The following EFEMP1 variants were observed in gnomAD, a reference collection of about 807,000 sequenced individuals.
The protein encoded by EFEMP1 is EGF-like fibulin extracellular matrix protein 1, also known as EGF-containing fibulin-like extracellular matrix protein 1.
Under a neutral mutation model 65.7 loss-of-function variants are expected in EFEMP1, and 18 were observed. The ratio of observed to expected loss-of-function variants is 0.27; its 90% CI spans 0.19 to 0.41. The LOEUF (loss-of-function observed/expected upper bound fraction) is 0.41. EFEMP1 is among the 10% of genes least tolerant of loss of function. The pLI, the probability that EFEMP1 is intolerant of heterozygous loss-of-function variation, is 1.00. For synonymous variants in EFEMP1, 237 were observed against 219.7 expected (o/e 1.08, Z -0.70); for missense variants, 469 against 624.8 (o/e 0.75, Z 2.66).
intron 8 of EFEMP1, 100 bp downstream of exon 8, chr2:55,876,523 T>G (rs1440961271): frequency 2.0e-6 from 3 of 1,517,348 alleles, no homozygotes; most frequent in Non-Finnish European, 2.7e-6. Flanking sequence ...AGAATTCCCA[T>G]GGGTAAGCGT....
Position 55,867,207 on chromosome 2 carries a change from C to G in EFEMP1, c.1348G>C (p.Val450Leu). ...GGTCCTGATAATGACTTCACGAGCA[C>G]AAGCATTGCACTTACAGGACTTGTT... is the stretch of plus-strand genomic sequence containing the variant. ...RQTSPVSAMLVLVKSLSGPRE... is the reference protein window; with the variant it reads ...RQTSPVSAMLLLVKSLSGPRE... The change falls in exon 12 of 12, where the codon GTG (valine) becomes CTG (leucine). Residue 450 changes from valine to leucine, a missense_variant. By Grantham distance (32) the Val-to-Leu change is conservative (BLOSUM62 1). Coordinates refer to ENST00000355426, the MANE Select transcript of EFEMP1 (RefSeq NM_001039348.3). The surrounding 1 kb of genome is among the most constrained non-coding windows in gnomAD (Gnocchi z 4.3). The G allele has an allele frequency of 6.2e-7, 1 of 1,613,912 alleles. No homozygotes were observed. The highest frequency in any genetic ancestry group is 8.5e-7 in the Non-Finnish European group (1 of 1,179,908).
Position 55,877,733 on chromosome 2 carries a change from T to G in EFEMP1, c.760+13A>C. On this transcript the variant is annotated intron_variant, in intron 7 of 11. Transcript: ENST00000355426. The surrounding 1 kb of genome is among the most constrained non-coding windows in gnomAD (Gnocchi z 4.5). Reference sequence around the variant, plus strand: ...TGTGAAGACAGAAATCAGCAAGTTCTCAAAAGGCTTACCTACGCAGGTATA... The same window carrying G: ...TGTGAAGACAGAAATCAGCAAGTTCGCAAAAGGCTTACCTACGCAGGTATA... The G allele has an allele frequency of 6.2e-7, 1 of 1,612,736 alleles. No homozygotes were observed. Among genetic ancestry groups the G allele is most frequent in the East Asian group, 2.2e-5 (1 of 44,838 alleles).
chr2:55,884,658 A>G (rs1239055007), intron 5 of EFEMP1, among the ~76,000 whole-genome samples: 1 of 152,248 alleles, frequency 6.6e-6, no homozygotes, highest in African/African-American at 2.4e-5. Context: ...CTTTATTTAT[A>G]AGGGAAACTA....
At chr2:55,916,108 T>TG (rs201208071) in intron 5 of EFEMP1, among the ~76,000 whole-genome samples, 2,021 of 107,508 alleles carry the variant, frequency 0.019, 41 homozygotes, top group African/African-American at 0.067. Flanking sequence ...GTTTCCTTCA[T>TG]TTTTTTTTTT....
chr2:55,889,837 T>G, intron 5 of EFEMP1, among the ~76,000 whole-genome samples: 1 of 131,338 alleles, frequency 7.6e-6, no homozygotes, highest in East Asian at 2.5e-4. Flanking sequence ...AAAAAAAAAA[T>G]AAAACTACAA....
In EFEMP1 at chr2:55,875,080, A is replaced by G. The variant is rs764824404; in HGVS notation, c.881-15T>C. 2 of 1,582,392 alleles carry G rather than the reference A, an allele frequency of 1.3e-6. No individual in the cohort carries two copies. Among genetic ancestry groups the G allele is most frequent in the South Asian group, 1.1e-5 (1 of 89,948 alleles). On this transcript the variant is annotated splice_polypyrimidine_tract_variant and intron_variant, in intron 8 of 11. Transcript: ENST00000355426. ...TTCATCAATGTCTGTTGAATTAGACAAGAGAAAGGACACAGAGTTGAAAAG... is the reference window on the plus strand; with the variant it reads ...TTCATCAATGTCTGTTGAATTAGACGAGAGAAAGGACACAGAGTTGAAAAG...
Position 55,885,289 on chromosome 2 carries a change from A to C in EFEMP1, c.518-3555T>G, listed in dbSNP as rs1484730539. Among the ~76,000 whole-genome samples the C allele has an allele frequency of 1.3e-5, 2 of 152,214 alleles. No individual in the cohort carries two copies. Among genetic ancestry groups the C allele is most frequent in the East Asian group, 3.9e-4 (2 of 5,192 alleles). On this transcript the variant is annotated intron_variant, in intron 5 of 11. Transcript: ENST00000355426. This position sits in a 1 kb window ranked among gnomAD's most constrained non-coding sequence, Gnocchi z 4.3. ...AGACAAAACTGGTTTCCATGAGAAG[A>C]ATGGCAGACAGATGGCGTCAGCACA...
In EFEMP1 at chr2:55,866,766, A is replaced by T; in HGVS notation, c.*307T>A. On this transcript the variant is annotated 3_prime_UTR_variant, in exon 12 of 12. Coordinates refer to ENST00000355426, the MANE Select transcript of EFEMP1 (RefSeq NM_001039348.3). ...TAAGTTTCCTTAAGCACCACAGAAG[A>T]TCATCATTGCTTGGTCCCACTTTTA... The T allele has an allele frequency of 3.0e-6, 1 of 329,994 alleles. No homozygotes were observed. The highest frequency in any genetic ancestry group is 5.7e-6 in the Non-Finnish European group (1 of 174,900). The allele number at this position is 329,994 out of a possible 1,614,324, so 20.4% of individuals were successfully genotyped here.
Position 55,881,629 on chromosome 2 carries a change from C to G in EFEMP1, c.623G>C (p.Arg208Pro), listed in dbSNP as rs533940631. The G allele has an allele frequency of 6.2e-7, 1 of 1,613,856 alleles. No homozygotes were observed. The change falls in exon 6 of 12, where the codon CGA becomes CCA. Residue 208 changes from arginine (R) to proline (P), a missense_variant. By Grantham distance (103) the Arg-to-Pro change is moderately radical. Around this residue, in one of 3 missense-constraint regions of EFEMP1, gnomAD observed 399 missense variants for 528.2 expected, o/e 0.76. Transcript: ENST00000355426. ...ACQCPPGYQKRGEQCVDIDEC... is the reference protein window; with the variant it reads ...ACQCPPGYQKPGEQCVDIDEC... ...GTACTTACCTACGCACTGCTCCCCT[C>G]GCTTCTGATATCCAGGAGGGCACTG...
intron 5 of EFEMP1, among the ~76,000 whole-genome samples, chr2:55,916,494 C>T (rs1323746535): frequency 6.6e-6 from 1 of 152,212 alleles, no homozygotes; most frequent in Non-Finnish European, 1.5e-5. Flanking sequence ...GGGGCAGCAT[C>T]CCAGGGCACA....
chr2:55,904,235 G>A (rs139759905), intron 5 of EFEMP1, among the ~76,000 whole-genome samples: 1 of 152,266 alleles, frequency 6.6e-6, no homozygotes, highest in African/African-American at 2.4e-5. Flanking sequence ...GAAGATCCAG[G>A]AAGTACCATC....
intron 5 of EFEMP1, among the ~76,000 whole-genome samples, chr2:55,898,891 T>C (rs942149071): frequency 4.6e-5 from 7 of 152,126 alleles, no homozygotes; most frequent in African/African-American, 1.7e-4. Context: ...GTATGATTTA[T>C]GGAAAAGGGA....
intron 9 of EFEMP1, among the ~76,000 whole-genome samples, chr2:55,872,431 C>A (rs910105127): frequency 1.3e-5 from 2 of 152,130 alleles, no homozygotes; most frequent in Admixed American, 1.3e-4. Flanking sequence ...TTGTACCCAT[C>A]TTTTAATCCT....
intron 5 of EFEMP1, among the ~76,000 whole-genome samples, chr2:55,905,427 T>C (rs540815551): frequency 1.3e-5 from 2 of 152,334 alleles, no homozygotes; most frequent in African/African-American, 4.8e-5. Context: ...ACTTTGATAC[T>C]GTAAACAGAT....
rs987531180 is a variant in EFEMP1 at position 55,886,434 on chromosome 2, A to G, written c.518-4700T>C. 6.6e-6 allele frequency among the ~76,000 whole-genome samples: 1 copy of G among 152,202 alleles called. No homozygotes were observed. Among genetic ancestry groups the G allele is most frequent in the African/African-American group, 2.4e-5 (1 of 41,454 alleles). ...CTGTGAACTCTTGTGGTTAAAGAAA[A>G]GATAGTGGTTAAATTCAAGTTGGTG... is the stretch of plus-strand genomic sequence containing the variant. On this transcript the variant is annotated intron_variant, in intron 5 of 11. Transcript: ENST00000355426. This position sits in a 1 kb window ranked among gnomAD's most constrained non-coding sequence, Gnocchi z 4.0.
rs1327729457 is a variant in EFEMP1 at position 55,895,543 on chromosome 2, T to TC, written c.518-13810dup. 3.7e-5 allele frequency among the ~76,000 whole-genome samples: 5 copies of TC among 136,198 alleles called. No individual in the cohort carries two copies. In the East Asian group the frequency reaches 1.0e-3, roughly 27 times the overall value. 89.4% of individuals were successfully genotyped at this position (136,198 alleles called of 152,430 possible). On this transcript the variant is annotated intron_variant, in intron 5 of 11. Transcript: ENST00000355426. ...TTAGGACAGCTGTGTCCACAAATTA[T>TC]CTTTTTTTTTTTTTTTTTGAGACGG...
At position 55,885,648 on chromosome 2, in the gene EFEMP1, C is replaced by T. The variant is rs909836869; in HGVS notation, c.518-3914G>A. The stretch of plus-strand genomic sequence containing the variant: ...TAGTGATTTATACTATTGTAGGTCC[C>T]TCTCTTGCTGACTTTGGCACCGTTA... On this transcript the variant is annotated intron_variant, in intron 5 of 11. Coordinates refer to ENST00000355426, the MANE Select transcript of EFEMP1 (RefSeq NM_001039348.3). This position sits in a 1 kb window ranked among gnomAD's most constrained non-coding sequence, Gnocchi z 4.3. Among the ~76,000 whole-genome samples the T allele has an allele frequency of 6.6e-6, 1 of 152,156 alleles. No individual in the cohort carries two copies. Among genetic ancestry groups the T allele is most frequent in the African/African-American group, 2.4e-5 (1 of 41,438 alleles).
intron 5 of EFEMP1, among the ~76,000 whole-genome samples, chr2:55,892,171 G>T (rs1669649748): frequency 6.6e-6 from 1 of 152,062 alleles, no homozygotes; most frequent in Non-Finnish European, 1.5e-5. Flanking sequence ...ATATAAAATA[G>T]TCTTTGGACT....
intron 3 of EFEMP1, among the ~76,000 whole-genome samples, chr2:55,918,751 T>G (rs1470453018): frequency 7.1e-6 from 1 of 140,056 alleles, no homozygotes; most frequent in African/African-American, 2.7e-5. Context: ...CCTGACCTGC[T>G]CCCTAGCTTC....
Sources: allele counts gnomAD v4.1 joint callset (sites outside exome capture counted in the v4.1 genomes callset), GRCh38; gene constraint gnomAD v4.1.1; regional missense constraint gnomAD v4.1.1; non-coding constraint Gnocchi (gnomAD v3.1); transcripts MANE v1.5; gene names NCBI Gene and HGNC (gene_info 2026-07-23, HGNC 2026-07-21).